RIMBP2: variants seen among roughly 807,000 people sequenced by gnomAD.
RIMBP2 encodes RIMS-binding protein 2.
A neutral mutation model predicts 118.6 loss-of-function variants in RIMBP2; 48 were observed. The ratio of observed to expected loss-of-function variants is 0.40; its 90% confidence interval spans 0.32 to 0.51. The LOEUF (loss-of-function observed/expected upper bound fraction) is 0.51, where lower values mean the gene tolerates loss of function less well. RIMBP2 is among the 20% of genes least tolerant of loss of function. RIMBP2 has a pLI of 0.41. For synonymous variants in RIMBP2, 762 were observed against 742.9 expected, an observed-to-expected ratio of 1.03 and a Z score of -0.42; for missense variants, 1,551 against 1,768.3, an observed-to-expected ratio of 0.88 and a Z score of 2.20.
intron 1 of RIMBP2, among the ~76,000 whole-genome samples, chr12:130,630,032 G>A (rs1202483127): frequency 2.5e-5 from 3 of 119,382 alleles, no homozygotes; most frequent in Non-Finnish European, 5.4e-5. Context: ...GCACATAAAA[G>A]TCAAGAACAA....
At chr12:130,565,249 T>C (rs550888372) in intron 2 of RIMBP2, among the ~76,000 whole-genome samples, 6 of 152,150 alleles carry the variant, frequency 3.9e-5, no homozygotes, top group African/African-American at 4.8e-5. Context: ...TTTTAAAAAA[T>C]GGAAAGTTAC....
At chr12:130,459,693 CAGG>C (rs1278653480) in intron 6 of RIMBP2, among the ~76,000 whole-genome samples, 2 of 152,092 alleles carry the variant, frequency 1.3e-5, no homozygotes, top group Non-Finnish European at 2.9e-5. Context: ...CTTTTGTTTG[CAGG>C]AGGACAGGTC....
intron 10 of RIMBP2, among the ~76,000 whole-genome samples, chr12:130,443,811 A>G (rs1206609152): frequency 6.6e-6 from 1 of 152,166 alleles, no homozygotes; most frequent in Non-Finnish European, 1.5e-5. Context: ...TATGAAGATG[A>G]TTATAATGCT....
In RIMBP2 at chr12:130,617,583, T is replaced by C. The variant is rs12309444; in HGVS notation, c.-217+10739A>G. On this transcript the variant is annotated intron_variant, in intron 2 of 22. Transcript: ENST00000690449. The surrounding 1 kb of genome is among the most constrained non-coding windows in gnomAD (Gnocchi z 4.6). ...TTAGTGGGAGGTATTGAGAAGGGCCTGGAGGCGGCCTTTCCTTTAGCAAAG... is the reference window on the plus strand; with the variant it reads ...TTAGTGGGAGGTATTGAGAAGGGCCCGGAGGCGGCCTTTCCTTTAGCAAAG... Among the ~76,000 whole-genome samples, 4,655 of 152,326 alleles carry C rather than the reference T, an allele frequency of 0.031. 84 individuals carry two copies. The highest frequency in any genetic ancestry group is 0.061 in the Middle Eastern group (18 of 294).
intron 4 of RIMBP2, 53 bp downstream of exon 4, chr12:130,506,595 A>C: frequency 1.0e-6 from 1 of 985,026 alleles, no homozygotes; most frequent in Non-Finnish European, 1.2e-6. Flanking sequence ...CTCCTTCCTC[A>C]CACCGACCTC....
At chr12:130,713,984 G>A (rs989174737) in intron 1 of RIMBP2, among the ~76,000 whole-genome samples, 3 of 152,212 alleles carry the variant, frequency 2.0e-5, no homozygotes, top group Non-Finnish European at 4.4e-5. Flanking sequence ...GTGGGAATGC[G>A]GATTCCCGGC....
intron 21 of RIMBP2, among the ~76,000 whole-genome samples, chr12:130,402,704 G>A (rs1305065028): frequency 1.3e-5 from 2 of 152,208 alleles, no homozygotes; most frequent in Admixed American, 1.3e-4. Flanking sequence ...ATGGGAATAG[G>A]CTGAAAGGCA....
At chr12:130,609,661 G>A (rs112116048) in intron 2 of RIMBP2, among the ~76,000 whole-genome samples, 2 of 131,322 alleles carry the variant, frequency 1.5e-5, no homozygotes, top group East Asian at 3.9e-4. Flanking sequence ...ATGATCTGCC[G>A]TCTGGAGAGC....
intron 4 of RIMBP2, among the ~76,000 whole-genome samples, chr12:130,504,217 C>T (rs1238843641): frequency 6.6e-6 from 1 of 152,170 alleles, no homozygotes; most frequent in African/African-American, 2.4e-5. Context: ...TTTGGTGGCC[C>T]GGTCACCAGG....
chr12:130,521,495 G>A (rs2139130553), intron 2 of RIMBP2, among the ~76,000 whole-genome samples: 1 of 152,336 alleles, frequency 6.6e-6, no homozygotes, highest in South Asian at 2.1e-4. Context: ...CCTAGGGGGA[G>A]GCACCAGCAC....
At chr12:130,715,164 A>G (rs570644310) in intron 1 of RIMBP2, among the ~76,000 whole-genome samples, 1 of 152,184 alleles carries the variant, frequency 6.6e-6, no homozygotes, top group East Asian at 1.9e-4. Flanking sequence ...TGGGGTTTTC[A>G]CCCTTGTGAG....
intron 2 of RIMBP2, among the ~76,000 whole-genome samples, chr12:130,559,065 T>C (rs780370213): frequency 2.0e-5 from 3 of 152,200 alleles, no homozygotes; most frequent in African/African-American, 7.2e-5. Context: ...AATAAGTGTA[T>C]GTATTTATGG....
rs1025163394 is a variant in RIMBP2, at chr12:130,576,309, T to C, written c.-217+52013A>G. ...ACGGAGAGTTTCATGACCATAGACATGGGCATTTGCTTCCAAGAGCAATGG... is the reference window on the plus strand; with the variant it reads ...ACGGAGAGTTTCATGACCATAGACACGGGCATTTGCTTCCAAGAGCAATGG... On this transcript the variant is annotated intron_variant, in intron 2 of 22. Transcript: ENST00000690449. This position sits in a 1 kb window ranked among gnomAD's most constrained non-coding sequence, Gnocchi z 4.2. 1.3e-5 allele frequency among the ~76,000 whole-genome samples: 2 copies of C among 152,088 alleles called. No homozygotes were observed. The highest frequency in any genetic ancestry group is 2.9e-5 in the Non-Finnish European group (2 of 68,020).
At chr12:130,573,210 T>C (rs1443673559) in intron 2 of RIMBP2, among the ~76,000 whole-genome samples, 1 of 151,872 alleles carries the variant, frequency 6.6e-6, no homozygotes, top group Non-Finnish European at 1.5e-5. Context: ...TCTATATTTA[T>C]TGCATACTTC....
chr12:130,418,236 T>C (rs1290608499), intron 17 of RIMBP2, among the ~76,000 whole-genome samples: 1 of 152,238 alleles, frequency 6.6e-6, no homozygotes, highest in Non-Finnish European at 1.5e-5. Flanking sequence ...ATCTAAAATG[T>C]CAGTAATTTC....
rs2064129447 is a variant in RIMBP2, at chr12:130,670,105, A to G, written c.-351-41649T>C. Among the ~76,000 whole-genome samples the G allele has an allele frequency of 1.3e-5, 2 of 152,012 alleles. No individual in the cohort carries two copies. The highest frequency in any genetic ancestry group is 1.3e-4 in the Admixed American group (2 of 15,260). Reference sequence around the variant, plus strand: ...AGCACACAGATACACAGAAGAGGAGAGGGTAATGTGACCCCGGGGGCAGAC... The same window carrying G: ...AGCACACAGATACACAGAAGAGGAGGGGGTAATGTGACCCCGGGGGCAGAC... On this transcript the variant is annotated intron_variant, in intron 1 of 22. Transcript: ENST00000690449. This position sits in a 1 kb window ranked among gnomAD's most constrained non-coding sequence, Gnocchi z 4.9.
Position 130,611,064 on chromosome 12 carries a change from A to C in RIMBP2, c.-217+17258T>G, listed in dbSNP as rs1368495333. Reference sequence around the variant, plus strand: ...CATCCAACACCTCATTTCACAGAGGAGGCCTCAAAAAGGCCAGGAGAAGAG... The same window carrying C: ...CATCCAACACCTCATTTCACAGAGGCGGCCTCAAAAAGGCCAGGAGAAGAG... On this transcript the variant is annotated intron_variant, in intron 2 of 22. Transcript: ENST00000690449. 1.3e-5 allele frequency among the ~76,000 whole-genome samples: 2 copies of C among 152,182 alleles called. 1 individual carries two copies. Among genetic ancestry groups the C allele is most frequent in the Non-Finnish European group, 2.9e-5 (2 of 68,020 alleles).
At chr12:130,591,648 A>C (rs1446005590) in intron 2 of RIMBP2, among the ~76,000 whole-genome samples, 1 of 151,674 alleles carries the variant, frequency 6.6e-6, no homozygotes, top group Non-Finnish European at 1.5e-5. Flanking sequence ...CTCCGCCCTG[A>C]CCCTCATGTG....
At position 130,475,623 on chromosome 12, in the gene RIMBP2, C is replaced by G. The variant is rs2081362415; in HGVS notation, c.102+3289G>C. Among the ~76,000 whole-genome samples, 2 of 151,946 alleles carry G rather than the reference C, an allele frequency of 1.3e-5. No homozygotes were observed. The highest frequency in any genetic ancestry group is 6.6e-5 in the Admixed American group (1 of 15,252). On this transcript the variant is annotated intron_variant, in intron 5 of 22. Coordinates refer to ENST00000690449, the MANE Select transcript of RIMBP2 (RefSeq NM_001393629.1). The surrounding 1 kb of genome is among the most constrained non-coding windows in gnomAD (Gnocchi z 4.1). ...GGCCAGGGGCTCCAGGCGGGCGTCT[C>G]CAAGGGGAAAATGGAATCAGAAGCC...
Sources: allele counts gnomAD v4.1 joint callset (sites outside exome capture counted in the v4.1 genomes callset), GRCh38; gene constraint gnomAD v4.1.1; non-coding constraint Gnocchi (gnomAD v3.1); transcripts MANE v1.5; gene names NCBI Gene and HGNC (gene_info 2026-07-23, HGNC 2026-07-21).